The following ERAP1 variants were observed in gnomAD, a reference collection of about 807,000 sequenced individuals.
The protein encoded by ERAP1 is adipocyte-derived leucine aminopeptidase.
ERAP1 carries 86 observed loss-of-function variants against 103.7 expected under a neutral mutation model. The ratio of observed to expected loss-of-function variants is 0.83; its 90% CI spans 0.70 to 0.99. The LOEUF (loss-of-function observed/expected upper bound fraction) is 0.99. ERAP1 is among the 50% of genes least tolerant of loss of function. The pLI, the probability that ERAP1 is intolerant of heterozygous loss-of-function variation, is 0.00. For missense variants in ERAP1, 1,009 were observed against 1,128.4 expected, an observed-to-expected ratio of 0.89 and a Z score of 1.52; for synonymous variants, 398 against 402.4, an observed-to-expected ratio of 0.99 and a Z score of 0.13.
chr5:96,787,340 AC>A (rs1225797851), intron 11 of ERAP1, among the ~76,000 whole-genome samples: 2 of 152,222 alleles, frequency 1.3e-5, no homozygotes, highest in East Asian at 3.9e-4. Flanking sequence ...ATCTCGGCTC[AC>A]TGCAACCTCC....
chr5:96,770,532 A>T (rs778138084), downstream of ERAP1: 15 of 1,609,818 alleles, frequency 9.3e-6, no homozygotes, highest in Non-Finnish European at 1.3e-5. Flanking sequence ...TTGCTTTAGG[A>T]TAAGTGCAAG....
At chr5:96,793,637 A>G in intron 6 of ERAP1, 124 bp from the exon 7 acceptor site, 1 of 1,098,844 alleles carries the variant, frequency 9.1e-7, no homozygotes, top group East Asian at 2.6e-5. Context: ...GGTAAAAATA[A>G]AAAAAGTTCA....
chr5:96,813,771 T>A, the ERAP1 span, among the ~76,000 whole-genome samples: 1 of 151,878 alleles, frequency 6.6e-6, no homozygotes, highest in East Asian at 1.9e-4. Context: ...TTCTGTTATA[T>A]CTAGCTAAAA....
the ERAP1 span, among the ~76,000 whole-genome samples, chr5:96,839,193 G>A: frequency 2.0e-5 from 3 of 152,220 alleles, no homozygotes; most frequent in Non-Finnish European, 2.9e-5. Context: ...CTTGTGGTAC[G>A]TAAAAGGTGT....
intron 4 of ERAP1, among the ~76,000 whole-genome samples, chr5:96,795,780 G>T (rs13173167): frequency 0.16 from 24,668 of 152,120 alleles, 2,263 homozygotes; most frequent in Non-Finnish European, 0.22. Flanking sequence ...ATCCACTTTA[G>T]ACTCAGGCAA....
chr5:96,787,122 T>A (rs772366000), intron 11 of ERAP1, among the ~76,000 whole-genome samples: 1 of 152,224 alleles, frequency 6.6e-6, no homozygotes, highest in East Asian at 1.9e-4. Flanking sequence ...AGTCAGAATT[T>A]ATTTTCTATT....
At chr5:96,810,090 C>T (rs568059667), upstream of ERAP1, among the ~76,000 whole-genome samples, 2 of 152,294 alleles carry the variant, frequency 1.3e-5, no homozygotes, top group Non-Finnish European at 2.9e-5. Flanking sequence ...CACGCCGTTT[C>T]CCCAAAAGCT....
chr5:96,825,859 CAA>C, the ERAP1 span, among the ~76,000 whole-genome samples: 17 of 151,238 alleles, frequency 1.1e-4, no homozygotes, highest in African/African-American at 4.1e-4. Flanking sequence ...GTTTAAACAT[CAA>C]AAAAAAAACT....
chr5:96,804,043 G>C (rs1778286760), intron 1 of ERAP1, 100 bp from the exon 2 acceptor site: 2 of 1,341,658 alleles, frequency 1.5e-6, no homozygotes, highest in African/African-American at 2.9e-5. Context: ...ACAGAAATAG[G>C]CATAAACTTC....
intron 19 of ERAP1, chr5:96,765,327 T>TAAAAAAAAAAAA (rs59338324): frequency 2.2e-6 from 1 of 457,942 alleles, no homozygotes; most frequent in Non-Finnish European, 3.5e-6. Context: ...AAAGTAAAGG[T>TAAAAAAAAAAAA]AAAAAAAAAA....
At chr5:96,761,336 A>G (rs1418492706) in exon 20 of ERAP1, 4 of 152,256 alleles carry the variant, frequency 2.6e-5, no homozygotes, top group Non-Finnish European at 5.9e-5. Flanking sequence ...TCATAACTAA[A>G]AATGAATTTA....
the ERAP1 span, among the ~76,000 whole-genome samples, chr5:96,820,992 A>C: frequency 6.6e-6 from 1 of 152,204 alleles, no homozygotes; most frequent in Non-Finnish European, 1.5e-5. Flanking sequence ...AGAGAGAAGA[A>C]GAGAGATTGA....
At chr5:96,878,351 T>G in the ERAP1 span, among the ~76,000 whole-genome samples, 1 of 152,142 alleles carries the variant, frequency 6.6e-6, no homozygotes, top group East Asian at 1.9e-4. Flanking sequence ...AGCCATAAAA[T>G]GAGGCCATTC....
At chr5:96,829,783 T>C in the ERAP1 span, among the ~76,000 whole-genome samples, 33 of 152,266 alleles carry the variant, frequency 2.2e-4, no homozygotes, top group African/African-American at 7.7e-4. Flanking sequence ...AGGCAAAGGG[T>C]ACAAAAGGAT....
the ERAP1 span, among the ~76,000 whole-genome samples, chr5:96,916,211 A>G: frequency 3.3e-5 from 5 of 149,702 alleles, no homozygotes; most frequent in South Asian, 6.4e-4. Flanking sequence ...ACAGAGTGAG[A>G]CTCCATCTCA....
chr5:96,885,724 AGTTGTGACTAGCTT>A, the ERAP1 span, among the ~76,000 whole-genome samples: 3,702 of 152,290 alleles, frequency 0.024, 54 homozygotes, highest in Non-Finnish European at 0.036. Flanking sequence ...CCTGTCTAGG[AGTTGTGACTAGCTT>A]GAAGAAAATG....
At chr5:96,900,034 A>G in the ERAP1 span, 1 of 1,450,472 alleles carries the variant, frequency 6.9e-7, no homozygotes, top group Non-Finnish European at 9.6e-7. Context: ...TAGCTCTTTT[A>G]ATAAATGCCT....
chr5:96,883,544 T>C, the ERAP1 span, among the ~76,000 whole-genome samples: 2 of 152,228 alleles, frequency 1.3e-5, no homozygotes, highest in African/African-American at 4.8e-5. Context: ...ATATCCTTGT[T>C]TGACCTGAGT....
At chr5:96,843,461 T>C in the ERAP1 span, among the ~76,000 whole-genome samples, 19 of 152,196 alleles carry the variant, frequency 1.2e-4, no homozygotes, top group African/African-American at 3.4e-4. Context: ...ACCAGCCTGA[T>C]TGGTTGCAGG....
Sources: gnomAD v4.1 joint callset for allele counts (sites outside exome capture counted in the v4.1 genomes callset) on GRCh38, gnomAD v4.1.1 for gene constraint, MANE v1.5 for transcripts, NCBI Gene and HGNC (gene_info 2026-07-23, HGNC 2026-07-21) for gene names.